Variants in UROC1 observed in about 807,000 individuals in gnomAD.
The protein encoded by UROC1 is urocanate hydratase.
Under a neutral mutation model 89.5 loss-of-function variants are expected in UROC1, and 79 were observed. The observed-to-expected ratio is 0.88, with a 90% CI of 0.74 to 1.06. The LOEUF (loss-of-function observed/expected upper bound fraction) is 1.06, where lower values mean the gene tolerates loss of function less well. Ranked by LOEUF, UROC1 falls within the 50% of genes least tolerant of loss-of-function variation. The pLI, the probability that UROC1 is intolerant of heterozygous loss-of-function variation, is 0.00. For missense variants in UROC1, 885 were observed against 907.8 expected (o/e 0.97, Z 0.32); for synonymous variants, 361 against 354.8 (o/e 1.02, Z -0.20).
At chr3:126,503,396 G>C (rs1935981190) in intron 9 of UROC1, among the ~76,000 whole-genome samples, 1 of 152,240 alleles carries the variant, frequency 6.6e-6, no homozygotes, top group African/African-American at 2.4e-5. Flanking sequence ...TGCTTCAAAA[G>C]TGGCATCCGA....
Position 126,483,365 on chromosome 3 carries a change from T to TTACA in UROC1, c.1890_1890+3dup. 2 of 1,612,646 alleles carry TTACA rather than the reference T, an allele frequency of 1.2e-6. No individual in the cohort carries two copies. Among genetic ancestry groups the TTACA allele is most frequent in the Non-Finnish European group, 1.7e-6 (2 of 1,179,850 alleles). On this transcript the variant is annotated splice_donor_region_variant and intron_variant, in intron 19 of 19. Transcript: ENST00000290868. ...AGGAGGTGGCAAGGACTGGGCTGAC[T>TTACA]TACACCATTGGAGACATCCCAGCTG... is the stretch of plus-strand genomic sequence containing the variant.
intron 18 of UROC1, among the ~76,000 whole-genome samples, 197 bp downstream of exon 18, chr3:126,488,001 C>CT (rs1221560843): frequency 6.6e-6 from 1 of 152,198 alleles, no homozygotes; most frequent in Non-Finnish European, 1.5e-5. Flanking sequence ...GGTGGGGTGG[C>CT]TAATGCAAGT....
intron 15 of UROC1, among the ~76,000 whole-genome samples, chr3:126,494,596 T>G (rs538643782): frequency 6.6e-6 from 1 of 152,296 alleles, no homozygotes; most frequent in African/African-American, 2.4e-5. Context: ...ACCCACTAGT[T>G]CAGACACGGT....
At chr3:126,499,968 C>G in intron 12 of UROC1, 89 bp downstream of exon 12, 1 of 1,303,940 alleles carries the variant, frequency 7.7e-7, no homozygotes. Context: ...ATGGCACCTC[C>G]GAGTGAGGTG....
In UROC1 at chr3:126,492,467, A is replaced by G. The variant is rs1274798019; in HGVS notation, c.1559T>C (p.Val520Ala). Residue 520 changes from valine to alanine, a missense_variant, in exon 16 of 20, where the codon GTG becomes GCG. Transcript: ENST00000290868. ...CTGGTTAATGGCCACAGCGATGGCC[A>G]CGCGGCCCTTCTGGTCTGAGTACAG... ...RILYSDQKGR[V>A]AIAVAINQAI... The G allele has an allele frequency of 3.1e-6, 5 of 1,613,550 alleles. No homozygotes were observed. The highest frequency in any genetic ancestry group is 2.2e-5 in the East Asian group (1 of 44,890).
chr3:126,494,914 C>T (rs1228713324), intron 15 of UROC1, among the ~76,000 whole-genome samples: 1 of 152,116 alleles, frequency 6.6e-6, no homozygotes, highest in Non-Finnish European at 1.5e-5. Flanking sequence ...ACAACACACC[C>T]CCTGTACAAG....
At position 126,508,584 on chromosome 3, in the gene UROC1, G is replaced by C. The variant is rs1272613289; in HGVS notation, c.352-109C>G. The C allele has an allele frequency of 5.8e-6, 5 of 858,116 alleles. No individual in the cohort carries two copies. In the East Asian group the frequency reaches 1.3e-4, roughly 23 times the overall value. The allele number at this position is 858,116 out of a possible 1,614,324, so 53.2% of individuals were successfully genotyped here. ...CCCTGGGGGCCCAATGGGACAAGGA[G>C]AGAAGCCAGAAGGGTGAGGCCCAGG... On this transcript the variant is annotated intron_variant, in intron 3 of 19. Transcript: ENST00000290868.
chr3:126,495,459 T>C (rs1935754518), intron 15 of UROC1, among the ~76,000 whole-genome samples: 1 of 152,228 alleles, frequency 6.6e-6, no homozygotes, highest in African/African-American at 2.4e-5. Context: ...GGTTCATCCA[T>C]GTTGTCACGT....
chr3:126,488,257 C>CA lies in UROC1; in HGVS notation c.1730dup (p.Asp579ArgfsTer21). ...AGGTGGCTCCGCGACAGGCATCTCC[C>CA]ACGAAGTTCTGCACAGCCATGTCTG... On this transcript the variant is annotated frameshift_variant, in exon 18 of 20. Coordinates refer to ENST00000290868, the MANE Select transcript of UROC1 (RefSeq NM_144639.3). LOFTEE classifies it high-confidence loss of function. The CA allele has an allele frequency of 6.2e-7, 1 of 1,614,224 alleles. No individual in the cohort carries two copies. The highest frequency in any genetic ancestry group is 8.5e-7 in the Non-Finnish European group (1 of 1,180,046).
At position 126,496,058 on chromosome 3, in the gene UROC1, C is replaced by T. The variant is rs140532409; in HGVS notation, c.1489G>A (p.Glu497Lys). 9.9e-6 allele frequency: 16 copies of T among 1,613,398 alleles called. No homozygotes were observed. Among genetic ancestry groups the T allele is most frequent in the Non-Finnish European group, 1.2e-5 (14 of 1,179,992 alleles). ...CTCACCAGCCGGTGCCTGGCGGCCTCCCGGATCCAGCGGATGTTGTCCATG... is the reference window on the plus strand; with the variant it reads ...CTCACCAGCCGGTGCCTGGCGGCCTTCCGGATCCAGCGGATGTTGTCCATG... ...QYMDNIRWIR[E>K]AARHRLVVGS... The change falls in exon 15 of 20, where the codon GAG becomes AAG. Residue 497 changes from glutamate (E) to lysine (K), a missense_variant. Transcript: ENST00000290868.
In UROC1 at chr3:126,509,808, G is replaced by A. The variant is rs533053733; in HGVS notation, c.258-130C>T. Reference sequence around the variant, plus strand: ...GGGGCCTGCAGAACTAGCTAGGAACGTACAGTGGGGGCTCCAGAGCCACTA... The same window carrying A: ...GGGGCCTGCAGAACTAGCTAGGAACATACAGTGGGGGCTCCAGAGCCACTA... On this transcript the variant is annotated intron_variant, in intron 2 of 19. Transcript: ENST00000290868. The A allele has an allele frequency of 1.1e-4, 91 of 866,062 alleles. 1 individual carries two copies. The highest frequency in any genetic ancestry group is 6.9e-4 in the South Asian group (48 of 70,034). The allele number at this position is 866,062 out of a possible 1,614,324, so 53.6% of individuals were successfully genotyped here.
At chr3:126,488,022 A>G (rs1015434731) in intron 18 of UROC1, among the ~76,000 whole-genome samples, 176 bp downstream of exon 18, 2 of 152,146 alleles carry the variant, frequency 1.3e-5, no homozygotes, top group South Asian at 2.1e-4. Flanking sequence ...CCTCTCCTGA[A>G]GTTCTGTCAA....
At chr3:126,488,302 G>A (rs377601670) in intron 17 of UROC1, 23 bp from the exon 18 acceptor site, 9 of 1,613,830 alleles carry the variant, frequency 5.6e-6, no homozygotes, top group Non-Finnish European at 7.6e-6. Context: ...AGACGCCTCT[G>A]CTCATCACCC....
At chr3:126,508,916 A>T (rs888817880) in intron 3 of UROC1, among the ~76,000 whole-genome samples, 2 of 152,178 alleles carry the variant, frequency 1.3e-5, no homozygotes, top group Admixed American at 1.3e-4. Context: ...AGACAGGCAC[A>T]TGGGGCCAGA....
chr3:126,495,922 G>A, intron 15 of UROC1, 116 bp downstream of exon 15: 1 of 1,024,396 alleles, frequency 9.8e-7, no homozygotes, highest in Non-Finnish European at 1.5e-6. Flanking sequence ...CACCCTCTCA[G>A]GGCTTGGCAA....
rs1192152720 is a variant in UROC1 at position 126,481,215 on chromosome 3, C to T, written c.*1130G>A. The T allele has an allele frequency of 2.0e-5, 3 of 151,870 alleles. No individual in the cohort carries two copies. Among genetic ancestry groups the T allele is most frequent in the East Asian group, 3.9e-4 (2 of 5,186 alleles). The allele number at this position is 151,870 out of a possible 1,614,324, so 9.4% of individuals were successfully genotyped here. On this transcript the variant is annotated 3_prime_UTR_variant, in exon 20 of 20. Transcript: ENST00000290868. ...AACGACGGCTCTCAAGAAGCCCTGCCCCACAGACCCCACCCTCATCTCGTG... is the reference window on the plus strand; with the variant it reads ...AACGACGGCTCTCAAGAAGCCCTGCTCCACAGACCCCACCCTCATCTCGTG...
chr3:126,501,432 G>T, intron 9 of UROC1, 152 bp from the exon 10 acceptor site: 1 of 883,862 alleles, frequency 1.1e-6, no homozygotes, highest in Non-Finnish European at 1.8e-6. Context: ...GGGCCATGAA[G>T]CATGCCTGCA....
chr3:126,492,344 C>T, intron 16 of UROC1, 74 bp downstream of exon 16: 1 of 1,427,206 alleles, frequency 7.0e-7, no homozygotes, highest in African/African-American at 1.4e-5. Context: ...GAGGCACACG[C>T]AGGAAGGCCC....
At chr3:126,516,542 T>G (rs1321211660) in intron 1 of UROC1, among the ~76,000 whole-genome samples, 1 of 466 alleles carries the variant, frequency 2.1e-3, no homozygotes, top group South Asian at 0.1. Context: ...CCACCTACCC[T>G]CCCCCCTCCC....
Sources: gnomAD v4.1 joint callset for allele counts (sites outside exome capture counted in the v4.1 genomes callset) on GRCh38, gnomAD v4.1.1 for gene constraint, MANE v1.5 for transcripts, NCBI Gene and HGNC (gene_info 2026-07-23, HGNC 2026-07-21) for gene names.